CNTD1: variants seen among roughly 807,000 people sequenced by gnomAD.
CNTD1 encodes cyclin N-terminal domain-containing protein 1.
In CNTD1, 17 loss-of-function variants were observed where a neutral mutation model predicts 36.3. The ratio of observed to expected loss-of-function variants is 0.47; its 90% CI spans 0.32 to 0.70. CNTD1 has a LOEUF of 0.70. Ranked by LOEUF, CNTD1 falls within the 30% of genes least tolerant of loss-of-function variation. The pLI is 0.03. For synonymous variants in CNTD1, 128 were observed against 153.3 expected (o/e 0.83, Z 1.22); for missense variants, 338 against 386.1 (o/e 0.88, Z 1.04).
At position 42,810,981 on chromosome 17, in the gene CNTD1, G is replaced by T; in HGVS notation, c.*1446G>T. ...AGTAACTGAGATCTGAGTTAAGTAA[G>T]TTCGGGGCAGGGACTTGATCATGGG... On this transcript the variant is annotated 3_prime_UTR_variant, in exon 7 of 7. Transcript: ENST00000588408. 1 of 1,486,272 alleles carries T rather than the reference G, an allele frequency of 6.7e-7. No individual in the cohort carries two copies. The allele number at this position is 1,486,272 out of a possible 1,614,324, so 92.1% of individuals were successfully genotyped here. A position where few individuals can be genotyped will look rare whatever the true frequency, so the allele number is the denominator to read the frequency against.
At position 42,810,491 on chromosome 17, in the gene CNTD1, A is replaced by T. The variant is rs11552192; in HGVS notation, c.*956A>T. 27,876 of 261,288 alleles carry T rather than the reference A, an allele frequency of 0.11. 1,983 individuals are homozygous for T. The highest frequency in any genetic ancestry group is 0.28 in the East Asian group (3,822 of 13,798). The allele number at this position is 261,288 out of a possible 1,614,324, so 16.2% of individuals were successfully genotyped here. A position where few individuals can be genotyped will look rare whatever the true frequency, so the allele number is the denominator to read the frequency against. The stretch of plus-strand genomic sequence containing the variant: ...AGTTAAAAAAAAGAAAAGCAAATTT[A>T]AATTAGTTTTTTTCAGAGAAGAAAG... On this transcript the variant is annotated 3_prime_UTR_variant, in exon 7 of 7. Coordinates refer to ENST00000588408, the MANE Select transcript of CNTD1 (RefSeq NM_173478.3).
chr17:42,801,757 C>A (rs891399687), intron 1 of CNTD1, among the ~76,000 whole-genome samples: 1 of 151,456 alleles, frequency 6.6e-6, no homozygotes, highest in African/African-American at 2.4e-5. Flanking sequence ...GGATAAGCTC[C>A]TAGAAGGAGA....
rs2054842424 is a variant in CNTD1 at position 42,804,361 on chromosome 17, G to A, written c.382G>A (p.Val128Ile). 6.8e-6 allele frequency: 11 copies of A among 1,613,978 alleles called. No homozygotes were observed. The highest frequency in any genetic ancestry group is 8.5e-6 in the Non-Finnish European group (10 of 1,180,026). ...NKFTLRLVSC[V>I]QLASKLSFRN... ...GTTTACTCTCCGTCTTGTGTCATGT[G>A]TTCAGCTGGCCAGCAAACTTTCCTT... Residue 128 changes from valine (V) to isoleucine (I), a missense_variant, in exon 3 of 7, where the codon GTT becomes ATT. By Grantham distance (29) the Val-to-Ile change is conservative. Transcript: ENST00000588408.
Position 42,799,015 on chromosome 17 carries a change from G to C in CNTD1, c.-53G>C. On this transcript the variant is annotated 5_prime_UTR_variant, in exon 1 of 7. Transcript: ENST00000588408. The stretch of plus-strand genomic sequence containing the variant: ...AGAAGACTGGAGAGGAGCTAAGGGG[G>C]TCGGTATGTGGATCCAGTGAACCCG... 1 of 1,596,276 alleles carries C rather than the reference G, an allele frequency of 6.3e-7. No individual in the cohort carries two copies. Among genetic ancestry groups the C allele is most frequent in the South Asian group, 1.1e-5 (1 of 88,780 alleles).
chr17:42,808,553 TAAAAAA>T (rs775660371), intron 6 of CNTD1, among the ~76,000 whole-genome samples: 1 of 99,918 alleles, frequency 1.0e-5, no homozygotes, highest in Non-Finnish European at 2.0e-5. Context: ...CCCATCTCAT[TAAAAAA>T]AAAAAAAAAA....
chr17:42,806,535 C>G, intron 4 of CNTD1, 139 bp from the exon 5 acceptor site: 1 of 809,802 alleles, frequency 1.2e-6, no homozygotes, highest in South Asian at 1.6e-5. Flanking sequence ...AACTGATCTC[C>G]AGCTAAACAG....
In CNTD1 at chr17:42,807,820, A is replaced by G. The variant is rs1319059798; in HGVS notation, c.778A>G (p.Ile260Val). ...EDFMLLAVGIIAASAFIQNHE... is the reference protein window; with the variant it reads ...EDFMLLAVGIVAASAFIQNHE... ...CTTCATGCTGTTGGCAGTAGGAATC[A>G]TTGCAGCAAGTGCTTTCATCCAAAA... The change falls in exon 6 of 7, where the codon ATT becomes GTT. Residue 260 changes from isoleucine (I) to valine (V), a missense_variant. Coordinates refer to ENST00000588408, the MANE Select transcript of CNTD1 (RefSeq NM_173478.3). 14 of 1,614,086 alleles carry G rather than the reference A, an allele frequency of 8.7e-6. No homozygotes were observed. Among genetic ancestry groups the G allele is most frequent in the Non-Finnish European group, 1.2e-5 (14 of 1,180,016 alleles).
intron 3 of CNTD1, 78 bp from the exon 4 acceptor site, chr17:42,805,644 T>C: frequency 8.0e-7 from 1 of 1,256,822 alleles, no homozygotes; most frequent in Non-Finnish European, 1.1e-6. Context: ...GGCTGGATTA[T>C]GAAGGGCTTT....
intron 6 of CNTD1, among the ~76,000 whole-genome samples, chr17:42,808,137 C>T (rs1210351304): frequency 6.6e-6 from 1 of 152,114 alleles, no homozygotes; most frequent in African/African-American, 2.4e-5. Context: ...AGGCTGGGCA[C>T]GGTGGCTCAT....
rs776376648 is a variant in CNTD1 at position 42,805,707 on chromosome 17, CTT to C, written c.418-12_418-11del. ...TATCCTAACATTCTTCTTTCCCTCT[CTT>C]TTCTTTGCTCAGATAATCAGCAACA... On this transcript the variant is annotated splice_polypyrimidine_tract_variant and intron_variant, in intron 3 of 6. Transcript: ENST00000588408. 2 of 1,605,428 alleles carry C rather than the reference CTT, an allele frequency of 1.2e-6. No homozygotes were observed. The highest frequency in any genetic ancestry group is 2.2e-5 in the East Asian group (1 of 44,788).
intron 1 of CNTD1, 99 bp from the exon 2 acceptor site, chr17:42,803,521 T>C: frequency 1.2e-6 from 1 of 855,728 alleles, no homozygotes; most frequent in South Asian, 1.5e-5. Context: ...CCTGACCCTC[T>C]TCCCTTGGCC....
At position 42,811,061 on chromosome 17, in the gene CNTD1, T is replaced by C. The variant is rs919929277; in HGVS notation, c.*1526T>C. On this transcript the variant is annotated 3_prime_UTR_variant, in exon 7 of 7. Transcript: ENST00000588408. Reference sequence around the variant, plus strand: ...ACACTTGGTGAGGAATGATAGTGTATTTTGGATTTGCTTGAAAGCCAAAAA... The same window carrying C: ...ACACTTGGTGAGGAATGATAGTGTACTTTGGATTTGCTTGAAAGCCAAAAA... 31 of 1,019,174 alleles carry C rather than the reference T, an allele frequency of 3.0e-5. No homozygotes were observed. The highest frequency in any genetic ancestry group is 4.2e-5 in the Non-Finnish European group (31 of 740,000). 63.1% of individuals were successfully genotyped at this position (1,019,174 alleles called of 1,614,324 possible). A position where few individuals can be genotyped will look rare whatever the true frequency, so the allele number is the denominator to read the frequency against.
chr17:42,804,439 G>T (rs780034962), intron 3 of CNTD1, 43 bp downstream of exon 3: 4 of 1,544,484 alleles, frequency 2.6e-6, no homozygotes, highest in Middle Eastern at 1.7e-4. Context: ...GTGTTAGGAA[G>T]AAACCAGCTT....
chr17:42,809,045 G>A (rs572341562), intron 6 of CNTD1, among the ~76,000 whole-genome samples: 128 of 152,334 alleles, frequency 8.4e-4, no homozygotes, highest in South Asian at 2.1e-3. Context: ...GCAACAGAGT[G>A]AGACCCTGTT....
At chr17:42,806,588 C>G in intron 4 of CNTD1, 86 bp from the exon 5 acceptor site, 1 of 1,393,248 alleles carries the variant, frequency 7.2e-7, no homozygotes, top group Non-Finnish European at 1.0e-6. Flanking sequence ...CACATTAGCA[C>G]CTCAACAGCT....
Position 42,810,886 on chromosome 17 carries a change from A to G in CNTD1, c.*1351A>G, listed in dbSNP as rs2054984326. The stretch of plus-strand genomic sequence containing the variant: ...GGGTTTTGATGGAATAGGAGCCGCC[A>G]CTGCCTCCTGTGTCTTCAATCTTGC... On this transcript the variant is annotated 3_prime_UTR_variant, in exon 7 of 7. Transcript: ENST00000588408. 6.2e-7 allele frequency: 1 copy of G among 1,612,856 alleles called. No homozygotes were observed. Among genetic ancestry groups the G allele is most frequent in the Non-Finnish European group, 8.5e-7 (1 of 1,179,490 alleles).
In CNTD1 at chr17:42,803,670, T is replaced by C. The variant is rs778766411; in HGVS notation, c.220T>C (p.Tyr74His). 14 of 1,613,964 alleles carry C rather than the reference T, an allele frequency of 8.7e-6. No homozygotes were observed. The highest frequency in any genetic ancestry group is 1.6e-4 in the Middle Eastern group (1 of 6,084). Reference protein sequence around the residue: ...EQWCLEKSVSYQAVEILERFM... With the variant: ...EQWCLEKSVSHQAVEILERFM... ...ATGGTGTCTGGAGAAATCTGTGAGC[T>C]ACCAGGCTGTAGAAATCCTAGAAAG... Residue 74 changes from tyrosine (Y) to histidine (H), a missense_variant, in exon 2 of 7, where the codon TAC (tyrosine) becomes CAC (histidine). Coordinates refer to ENST00000588408, the MANE Select transcript of CNTD1 (RefSeq NM_173478.3).
At chr17:42,805,007 A>T (rs2054855752) in intron 3 of CNTD1, among the ~76,000 whole-genome samples, 1 of 152,106 alleles carries the variant, frequency 6.6e-6, no homozygotes, top group Non-Finnish European at 1.5e-5. Context: ...TTCCCAAAGT[A>T]TAATTGGGAC....
At chr17:42,804,715 G>A (rs1008174349) in intron 3 of CNTD1, among the ~76,000 whole-genome samples, 2 of 152,064 alleles carry the variant, frequency 1.3e-5, no homozygotes, top group African/African-American at 4.8e-5. Context: ...GGCTGAGGCA[G>A]GAGAATTGCT....
Sources: gnomAD v4.1 joint callset for allele counts (sites outside exome capture counted in the v4.1 genomes callset) on GRCh38, gnomAD v4.1.1 for gene constraint, MANE v1.5 for transcripts, NCBI Gene and HGNC (gene_info 2026-07-23, HGNC 2026-07-21) for gene names.